NPM1: variants seen among roughly 807,000 people sequenced by gnomAD.
The protein encoded by NPM1 is nucleophosmin.
In NPM1, 1 loss-of-function variant was observed where a neutral mutation model predicts 44.1. That is an observed-to-expected ratio of 0.02 (90% CI 0.01 to 0.11). The LOEUF (loss-of-function observed/expected upper bound fraction) is 0.11, where lower values mean the gene tolerates loss of function less well. NPM1 is among the 10% of genes least tolerant of loss of function. The pLI is 1.00. For missense variants in NPM1, 197 were observed against 347.8 expected (o/e 0.57, Z 3.45); for synonymous variants, 126 against 111.8 (o/e 1.13, Z -0.80).
intron 10 of NPM1, among the ~76,000 whole-genome samples, chr5:171,408,147 C>CTTTT (rs142729767): frequency 1.4e-5 from 2 of 142,050 alleles, no homozygotes; most frequent in African/African-American, 2.6e-5. Context: ...TGGTAGAGAT[C>CTTTT]TTTTTTTTTT....
At chr5:171,404,981 A>G (rs1184909701) in intron 8 of NPM1, among the ~76,000 whole-genome samples, 1 of 151,854 alleles carries the variant, frequency 6.6e-6, no homozygotes, top group African/African-American at 2.4e-5. Flanking sequence ...ACTCTTGCCC[A>G]GGTTGAAGTA....
At position 171,387,885 on chromosome 5, in the gene NPM1, T is replaced by C. The variant is rs180887715; in HGVS notation, c.-64T>C. ...GTGATTCCGTCCTGCGCGGTTGTTCTCTGGAGCAGCGTTCTTTTATCTCCG... is the reference window on the plus strand; with the variant it reads ...GTGATTCCGTCCTGCGCGGTTGTTCCCTGGAGCAGCGTTCTTTTATCTCCG... On this transcript the variant is annotated 5_prime_UTR_variant, in exon 1 of 11. Coordinates refer to ENST00000296930, the MANE Select transcript of NPM1 (RefSeq NM_002520.7). 3.3e-4 allele frequency: 494 copies of C among 1,509,356 alleles called. 1 individual carries two copies. The African/African-American group carries it at 5.2e-3, about 16-fold the overall frequency. 93.5% of individuals were successfully genotyped at this position (1,509,356 alleles called of 1,614,324 possible).
chr5:171,399,641 T>C (rs1771088694), intron 6 of NPM1, among the ~76,000 whole-genome samples: 1 of 152,094 alleles, frequency 6.6e-6, no homozygotes, highest in East Asian at 1.9e-4. Context: ...TGTTTCCATC[T>C]TGGCAATATC....
Position 171,407,610 on chromosome 5 carries a change from A to C in NPM1, c.772-90A>C, listed in dbSNP as rs761555326. On this transcript the variant is annotated intron_variant, in intron 9 of 10. Transcript: ENST00000296930. Reference sequence around the variant, plus strand: ...GGAAAAAGAATAAACTGATCCATGTAGTAGCATGCAGATTATTGAGGAATT... The same window carrying C: ...GGAAAAAGAATAAACTGATCCATGTCGTAGCATGCAGATTATTGAGGAATT... 7 of 771,896 alleles carry C rather than the reference A, an allele frequency of 9.1e-6. No homozygotes were observed. In the Admixed American group the frequency reaches 1.4e-4, roughly 16 times the overall value. 47.8% of individuals were successfully genotyped at this position (771,896 alleles called of 1,614,324 possible). A position where few individuals can be genotyped will look rare whatever the true frequency, so the allele number is the denominator to read the frequency against.
At chr5:171,396,037 T>G (rs1169225680) in intron 6 of NPM1, among the ~76,000 whole-genome samples, 5 of 151,214 alleles carry the variant, frequency 3.3e-5, no homozygotes, top group African/African-American at 4.9e-5. Flanking sequence ...TGGAGTGCAG[T>G]GGTGCAATCA....
chr5:171,400,014 T>G, intron 6 of NPM1, 139 bp from the exon 7 acceptor site: 1 of 622,316 alleles, frequency 1.6e-6, no homozygotes, highest in South Asian at 1.9e-5. Context: ...ACACTTGGGT[T>G]GCTTTCACCT....
At position 171,392,702 on chromosome 5, in the gene NPM1, T is replaced by C. The variant is rs761871812; in HGVS notation, c.353-8T>C. 6.3e-6 allele frequency: 10 copies of C among 1,587,600 alleles called. No homozygotes were observed. The highest frequency in any genetic ancestry group is 8.6e-6 in the Non-Finnish European group (10 of 1,158,182). ...GAGTTTTATAATGTCTAATAAATTG[T>C]ATTTTAGCTGTGGAGGAAGATGCAG... On this transcript the variant is annotated splice_region_variant and splice_polypyrimidine_tract_variant and intron_variant, in intron 4 of 10. Transcript: ENST00000296930.
chr5:171,390,817 G>C (rs1029229324), intron 2 of NPM1, among the ~76,000 whole-genome samples: 1 of 151,762 alleles, frequency 6.6e-6, no homozygotes, highest in East Asian at 1.9e-4. Context: ...TCTGATTTCC[G>C]AGTTCAAGTA....
intron 6 of NPM1, among the ~76,000 whole-genome samples, chr5:171,399,847 T>G (rs1292707434): frequency 2.0e-5 from 3 of 152,210 alleles, no homozygotes; most frequent in Non-Finnish European, 4.4e-5. Flanking sequence ...TACCTTCTAT[T>G]TCTTTGAGTT....
At chr5:171,388,561 C>CA in intron 1 of NPM1, among the ~76,000 whole-genome samples, 1 of 133,346 alleles carries the variant, frequency 7.5e-6, no homozygotes, top group East Asian at 2.2e-4. Flanking sequence ...GAGGAGGCCG[C>CA]AACCGCTGGG....
chr5:171,396,434 A>G (rs1770889630), intron 6 of NPM1, among the ~76,000 whole-genome samples: 1 of 152,228 alleles, frequency 6.6e-6, no homozygotes, highest in Non-Finnish European at 1.5e-5. Context: ...TAATGCCAGA[A>G]ACTTGTACTG....
At chr5:171,401,030 C>T in intron 8 of NPM1, 105 bp downstream of exon 8, 2 of 769,716 alleles carry the variant, frequency 2.6e-6, no homozygotes, top group Non-Finnish European at 2.2e-6. Flanking sequence ...CTTTATAGAA[C>T]CCCTGTAATT....
intron 2 of NPM1, 122 bp from the exon 3 acceptor site, chr5:171,391,183 A>G (rs1770558284): frequency 1.8e-6 from 2 of 1,128,612 alleles, no homozygotes; most frequent in African/African-American, 3.1e-5. Context: ...ATTGTCTAAC[A>G]ACACATTTCT....
At position 171,407,716 on chromosome 5, in the gene NPM1, A is replaced by G. The variant is rs765654691; in HGVS notation, c.788A>G (p.Lys263Arg). 10 of 1,608,242 alleles carry G rather than the reference A, an allele frequency of 6.2e-6. No homozygotes were observed. The highest frequency in any genetic ancestry group is 5.0e-5 in the Admixed American group (3 of 59,946). ...ASIEKGGSLP[K>R]VEAKFINYVK... ...TCTTAATAGGGTGGTTCTCTTCCCA[A>G]AGTGGAAGCCAAATTCATCAATTAT... The change falls in exon 10 of 11, where the codon AAA becomes AGA. Residue 263 changes from lysine to arginine, a missense_variant. Physicochemically the swap from Lys to Arg is conservative, Grantham distance 26. Transcript: ENST00000296930.
intron 8 of NPM1, among the ~76,000 whole-genome samples, chr5:171,404,786 G>T (rs1275476106): frequency 6.6e-6 from 1 of 150,822 alleles, no homozygotes; most frequent in East Asian, 2.0e-4. Context: ...AAGGCAGGCG[G>T]CTGGGAGGTG....
intron 6 of NPM1, among the ~76,000 whole-genome samples, chr5:171,397,132 A>G (rs1442336170): frequency 6.6e-6 from 1 of 152,036 alleles, no homozygotes; most frequent in Non-Finnish European, 1.5e-5. Flanking sequence ...CTTTGTCTAT[A>G]GGTTTCCTGT....
intron 9 of NPM1, chr5:171,406,733 AATGT>A: frequency 8.8e-7 from 1 of 1,135,262 alleles, no homozygotes; most frequent in Non-Finnish European, 1.1e-6. Context: ...ATCAATTAAG[AATGT>A]ATGTGACAAT....
chr5:171,403,823 C>A (rs1278920750), intron 8 of NPM1, among the ~76,000 whole-genome samples: 18 of 77,522 alleles, frequency 2.3e-4, no homozygotes, highest in Admixed American at 1.7e-3. Context: ...GGCAGAGGCG[C>A]CCCTCACCTC....
chr5:171,401,444 C>CT (rs943850550), intron 8 of NPM1, among the ~76,000 whole-genome samples: 4 of 151,854 alleles, frequency 2.6e-5, no homozygotes, highest in African/African-American at 9.7e-5. Flanking sequence ...AGCCAATAGA[C>CT]TTTTTTGAAA....
Sources: allele counts gnomAD v4.1 joint callset (sites outside exome capture counted in the v4.1 genomes callset), GRCh38; gene constraint gnomAD v4.1.1; transcripts MANE v1.5; gene names NCBI Gene and HGNC (gene_info 2026-07-23, HGNC 2026-07-21).